MAGI2: variants seen among roughly 807,000 people sequenced by gnomAD.
MAGI2 encodes the protein membrane-associated guanylate kinase, WW and PDZ domain-containing protein 2.
A neutral mutation model predicts 133.3 loss-of-function variants in MAGI2; 35 were observed. The observed-to-expected ratio is 0.26, with a 90% CI of 0.20 to 0.35. The LOEUF (loss-of-function observed/expected upper bound fraction) is 0.35, where lower values mean the gene tolerates loss of function less well. MAGI2 is among the 10% of genes least tolerant of loss of function. MAGI2 has a pLI of 1.00. For missense variants in MAGI2, 1,636 were observed against 1,863.4 expected, an observed-to-expected ratio of 0.88 and a Z score of 2.25; for synonymous variants, 729 against 710.6, an observed-to-expected ratio of 1.03 and a Z score of -0.41.
chr7:78,635,778 AC>A (rs1554507568), intron 2 of MAGI2, among the ~76,000 whole-genome samples: 1 of 152,202 alleles, frequency 6.6e-6, no homozygotes, highest in Non-Finnish European at 1.5e-5. Context: ...GCAAGTAAGA[AC>A]ACAATCATCA....
intron 2 of MAGI2, among the ~76,000 whole-genome samples, chr7:78,844,611 A>G (rs1245683520): frequency 6.6e-6 from 1 of 151,874 alleles, no homozygotes; most frequent in East Asian, 1.9e-4. Context: ...ATAGAGACAT[A>G]AAATAGACGA....
At chr7:78,877,631 T>C (rs1795531307) in intron 2 of MAGI2, among the ~76,000 whole-genome samples, 1 of 152,126 alleles carries the variant, frequency 6.6e-6, no homozygotes. Context: ...TCCCACACCA[T>C]CTTGTACTAG....
intron 2 of MAGI2, among the ~76,000 whole-genome samples, chr7:78,852,655 T>G (rs1793243571): frequency 6.6e-6 from 1 of 152,136 alleles, no homozygotes; most frequent in South Asian, 2.1e-4. Flanking sequence ...CAAAGCTACC[T>G]CTATTTTAAA....
intron 6 of MAGI2, among the ~76,000 whole-genome samples, chr7:78,407,520 T>G (rs904211846): frequency 1.3e-5 from 2 of 152,010 alleles, no homozygotes; most frequent in Non-Finnish European, 2.9e-5. Context: ...ATGAGGCTAA[T>G]GGACTCAAAA....
At chr7:79,369,505 T>C (rs1015936235) in intron 1 of MAGI2, among the ~76,000 whole-genome samples, 2 of 152,170 alleles carry the variant, frequency 1.3e-5, no homozygotes, top group East Asian at 1.9e-4. Context: ...AAACCTGTTG[T>C]AGAGAATGCA....
rs6150177 is a variant in MAGI2 at position 78,367,100 on chromosome 7, A to AACAC, written c.1103+2052_1103+2055dup. 5.5e-3 allele frequency among the ~76,000 whole-genome samples: 815 copies of AACAC among 146,878 alleles called. 10 individuals carry two copies. The highest frequency in any genetic ancestry group is 0.019 in the Admixed American group (285 of 14,638). ...TGTACACAGAAGTATAATGTAGGCA[A>AACAC]ACACACACACACACACACACACACA... On this transcript the variant is annotated intron_variant, in intron 7 of 21. Coordinates refer to ENST00000354212, the MANE Select transcript of MAGI2 (RefSeq NM_012301.4).
At chr7:79,289,341 T>C (rs1319815257) in intron 1 of MAGI2, among the ~76,000 whole-genome samples, 12 of 152,178 alleles carry the variant, frequency 7.9e-5, no homozygotes, top group African/African-American at 1.9e-4. Context: ...GTTGTTAACA[T>C]CTCTAATAGC....
intron 10 of MAGI2, among the ~76,000 whole-genome samples, chr7:78,241,360 G>A (rs1791116834): frequency 6.6e-6 from 1 of 152,132 alleles, no homozygotes; most frequent in Non-Finnish European, 1.5e-5. Context: ...TTCATGCTAA[G>A]TGTTGTTTGT....
chr7:78,904,829 T>C (rs1334841798), intron 2 of MAGI2, among the ~76,000 whole-genome samples: 1 of 152,142 alleles, frequency 6.6e-6, no homozygotes, highest in East Asian at 1.9e-4. Context: ...CAATTCTCAA[T>C]GTTCACTGTT....
chr7:79,196,723 G>C (rs910155457), intron 1 of MAGI2, among the ~76,000 whole-genome samples: 12 of 151,718 alleles, frequency 7.9e-5, no homozygotes, highest in Middle Eastern at 3.4e-3. Flanking sequence ...TTTCCCCAAA[G>C]TTGCATCAGA....
intron 14 of MAGI2, chr7:78,170,852 T>C (rs1445387820): frequency 1.3e-5 from 2 of 151,962 alleles, no homozygotes; most frequent in Non-Finnish European, 2.9e-5. Flanking sequence ...CATTATATAA[T>C]GTGTCCTTAG....
At chr7:78,666,392 T>G (rs551429338) in intron 2 of MAGI2, among the ~76,000 whole-genome samples, 1 of 152,208 alleles carries the variant, frequency 6.6e-6, no homozygotes, top group Non-Finnish European at 1.5e-5. Flanking sequence ...GAGTTCATTG[T>G]ATAGTTCATT....
intron 1 of MAGI2, among the ~76,000 whole-genome samples, chr7:79,165,547 A>G (rs952442380): frequency 6.6e-6 from 1 of 152,148 alleles, no homozygotes; most frequent in African/African-American, 2.4e-5. Context: ...ACATTTTAAT[A>G]ACAATAGATA....
chr7:78,133,924 T>C (rs1038520447), intron 17 of MAGI2, among the ~76,000 whole-genome samples: 6 of 152,190 alleles, frequency 3.9e-5, no homozygotes, highest in East Asian at 1.9e-4. Flanking sequence ...CCCCCCTTTT[T>C]TCCCCACAGT....
intron 2 of MAGI2, among the ~76,000 whole-genome samples, chr7:78,691,091 T>C (rs1816910945): frequency 6.6e-6 from 1 of 152,224 alleles, no homozygotes; most frequent in Admixed American, 6.5e-5. Flanking sequence ...CTTACCTCTG[T>C]GACTTCTCAC....
intron 1 of MAGI2, among the ~76,000 whole-genome samples, chr7:79,016,728 C>A (rs1436313133): frequency 6.6e-6 from 1 of 152,184 alleles, no homozygotes; most frequent in Non-Finnish European, 1.5e-5. Context: ...GCTGCCATTG[C>A]TATTGGAGCA....
At chr7:78,059,808 CA>C (rs1180904270) in intron 21 of MAGI2, among the ~76,000 whole-genome samples, 1 of 148,940 alleles carries the variant, frequency 6.7e-6, no homozygotes, top group Non-Finnish European at 1.5e-5. Context: ...CAGCATCAAA[CA>C]ATGGCTGACA....
At chr7:79,391,534 TATAGAC>T (rs1345746852) in intron 1 of MAGI2, among the ~76,000 whole-genome samples, 1 of 43,624 alleles carries the variant, frequency 2.3e-5, no homozygotes, top group South Asian at 8.2e-4. Context: ...TATATATATA[TATAGAC>T]ATATATATAT....
At position 79,278,678 on chromosome 7, in the gene MAGI2, T is replaced by A. The variant is rs185319677; in HGVS notation, c.301+174342A>T. ...AATGAAGCTCAACAACAAACAAGGG[T>A]AAATGTGGTACTTAATGTTTAATAT... is the stretch of plus-strand genomic sequence containing the variant. On this transcript the variant is annotated intron_variant, in intron 1 of 21. Coordinates refer to ENST00000354212, the MANE Select transcript of MAGI2 (RefSeq NM_012301.4). 1.1e-4 allele frequency among the ~76,000 whole-genome samples: 16 copies of A among 152,180 alleles called. No homozygotes were observed. The East Asian group carries it at 1.9e-3, about 18-fold the overall frequency.
Sources: allele counts gnomAD v4.1 joint callset (sites outside exome capture counted in the v4.1 genomes callset), GRCh38; gene constraint gnomAD v4.1.1; transcripts MANE v1.5; gene names NCBI Gene and HGNC (gene_info 2026-07-23, HGNC 2026-07-21).